The following RELN variants were observed in gnomAD, a reference collection of about 807,000 sequenced individuals.
RELN encodes reelin.
RELN carries 108 observed loss-of-function variants against 427.6 expected under a neutral mutation model. The ratio of observed to expected loss-of-function variants is 0.25; its 90% CI spans 0.22 to 0.30. RELN has a LOEUF of 0.30. Ranked by LOEUF, RELN falls within the 10% of genes least tolerant of loss-of-function variation. The pLI, the probability that RELN is intolerant of heterozygous loss-of-function variation, is 1.00. For synonymous variants in RELN, 1,524 were observed against 1,513.4 expected (o/e 1.01, Z -0.16); for missense variants, 3,715 against 4,302.8 (o/e 0.86, Z 3.82).
At chr7:103,828,345 C>T (rs1276408057) in intron 3 of RELN, among the ~76,000 whole-genome samples, 2 of 151,936 alleles carry the variant, frequency 1.3e-5, no homozygotes, top group South Asian at 2.1e-4. Context: ...AAAACTATCC[C>T]TCTAGGAGAT....
rs534557082 is a variant in RELN, at chr7:103,764,508, A to G, written c.545-11294T>C. On this transcript the variant is annotated intron_variant, in intron 4 of 64. Coordinates refer to ENST00000428762, the MANE Select transcript of RELN (RefSeq NM_005045.4). Reference sequence around the variant, plus strand: ...GTGGAGAGCTAGGGAGATGAAAATTATAGGTGTGAGTGAGTTCAACAGGGA... The same window carrying G: ...GTGGAGAGCTAGGGAGATGAAAATTGTAGGTGTGAGTGAGTTCAACAGGGA... Among the ~76,000 whole-genome samples, 51 of 152,182 alleles carry G rather than the reference A, an allele frequency of 3.4e-4. No homozygotes were observed. The South Asian group carries it at 9.8e-3, about 29-fold the overall frequency.
intron 3 of RELN, among the ~76,000 whole-genome samples, chr7:103,780,173 C>T (rs1791850988): frequency 1.3e-5 from 2 of 152,216 alleles, no homozygotes; most frequent in African/African-American, 2.4e-5. Context: ...CAACTCCTTG[C>T]ACTTTGTCTT....
At chr7:103,967,406 GTA>G (rs1233854035) in intron 1 of RELN, among the ~76,000 whole-genome samples, 4 of 152,076 alleles carry the variant, frequency 2.6e-5, no homozygotes, top group African/African-American at 9.7e-5. Context: ...CCATGATGAA[GTA>G]TAGTGATTTA....
At chr7:103,744,595 C>T (rs564211188) in intron 6 of RELN, among the ~76,000 whole-genome samples, 72 of 152,276 alleles carry the variant, frequency 4.7e-4, no homozygotes, top group African/African-American at 1.6e-3. Context: ...CACCACTGAT[C>T]CCACAGAAAT....
At chr7:103,905,178 A>T (rs970738267) in intron 2 of RELN, among the ~76,000 whole-genome samples, 6 of 151,504 alleles carry the variant, frequency 4.0e-5, no homozygotes, top group African/African-American at 7.3e-5. Context: ...ACAGGGTTTC[A>T]CTGTATTGGC....
intron 5 of RELN, 47 bp downstream of exon 5, chr7:103,753,135 G>A (rs1791048357): frequency 2.5e-6 from 4 of 1,597,140 alleles, no homozygotes; most frequent in Non-Finnish European, 3.4e-6. Flanking sequence ...AGCCAAACAA[G>A]TAGATCAAGT....
intron 1 of RELN, among the ~76,000 whole-genome samples, chr7:103,942,747 A>G (rs1375282330): frequency 6.6e-6 from 1 of 152,096 alleles, no homozygotes. Context: ...CCCCATCTCT[A>G]CTAAAAATAC....
Position 103,654,105 on chromosome 7 carries a change from A to G in RELN, c.1542T>C (p.Tyr514=). 1 of 1,572,438 alleles carries G rather than the reference A, an allele frequency of 6.4e-7. No homozygotes were observed. The highest frequency in any genetic ancestry group is 8.8e-7 in the Non-Finnish European group (1 of 1,142,580). Residue 514 remains tyrosine, a synonymous_variant, in exon 13 of 65, where the codon TAT becomes TAC. Coordinates refer to ENST00000428762, the MANE Select transcript of RELN (RefSeq NM_005045.4). The part of the protein sequence containing the change: ...KEHITLDTLS[Y]SSYKVPSLVS... ...CTGGCATGTGTACCTTATATGAGGA[A>G]TAGGAAAGGGTATCCAGTGTTATAT...
intron 3 of RELN, among the ~76,000 whole-genome samples, chr7:103,807,333 AG>A (rs1225924669): frequency 6.6e-6 from 1 of 152,204 alleles, no homozygotes; most frequent in African/African-American, 2.4e-5. Flanking sequence ...AGCCAGCAGT[AG>A]GGTAAGTGGA....
intron 53 of RELN, 69 bp from the exon 54 acceptor site, chr7:103,498,321 T>C: frequency 7.2e-7 from 1 of 1,384,816 alleles, no homozygotes; most frequent in South Asian, 1.2e-5. Context: ...TTTAAGAAAA[T>C]ACAGAGTGAT....
chr7:103,649,555 C>A (rs1832868545), intron 16 of RELN, among the ~76,000 whole-genome samples: 1 of 151,836 alleles, frequency 6.6e-6, no homozygotes, highest in African/African-American at 2.4e-5. Flanking sequence ...TACATTTGTA[C>A]CCACTGAATC....
At chr7:103,777,950 G>A (rs1305736830) in intron 3 of RELN, among the ~76,000 whole-genome samples, 3 of 149,346 alleles carry the variant, frequency 2.0e-5, no homozygotes, top group Non-Finnish European at 4.5e-5. Context: ...ATGGTGGAAG[G>A]GAGATACAAT....
intron 57 of RELN, among the ~76,000 whole-genome samples, chr7:103,492,912 C>A (rs1828717430): frequency 1.3e-5 from 2 of 151,928 alleles, no homozygotes; most frequent in Admixed American, 1.3e-4. Context: ...CATGGTGGGA[C>A]ATCAAGAGCA....
At chr7:103,821,564 C>T (rs968934963) in intron 3 of RELN, among the ~76,000 whole-genome samples, 1 of 152,084 alleles carries the variant, frequency 6.6e-6, no homozygotes, top group African/African-American at 2.4e-5. Context: ...AATACTTTAG[C>T]TTTTATCCTC....
chr7:103,675,150 C>T (rs1341509584), intron 11 of RELN, among the ~76,000 whole-genome samples: 1 of 152,160 alleles, frequency 6.6e-6, no homozygotes, highest in African/African-American at 2.4e-5. Flanking sequence ...ACTGTCTCAG[C>T]CCAAAATCTC....
chr7:103,557,114 C>G lies in RELN; in HGVS notation c.5660G>C (p.Ser1887Thr). The change falls in exon 38 of 65, where the codon AGT becomes ACT. Residue 1887 changes from serine (S) to threonine (T), a missense_variant. Ser to Thr is a moderately conservative substitution (Grantham distance 58). This residue lies in a region of RELN where 2,208 missense variants were observed against 2,361.7 expected (regional missense o/e 0.93). Coordinates refer to ENST00000428762, the MANE Select transcript of RELN (RefSeq NM_005045.4). ...CATCAGGTGCCAAGTGATTCCTCCA[C>G]TGATGGAGAATTGTAACAGAATAGA... ...SHSILLQFSI[S>T]GGITWHLMDE... 1 of 1,613,762 alleles carries G rather than the reference C, an allele frequency of 6.2e-7. No homozygotes were observed. Among genetic ancestry groups the G allele is most frequent in the Non-Finnish European group, 8.5e-7 (1 of 1,179,648 alleles).
At chr7:103,635,377 G>A in intron 19 of RELN, 48 bp downstream of exon 19, 2 of 1,584,848 alleles carry the variant, frequency 1.3e-6, no homozygotes, top group Non-Finnish European at 1.7e-6. Flanking sequence ...ATTTCCCCAG[G>A]AGAAGATTTC....
intron 53 of RELN, among the ~76,000 whole-genome samples, chr7:103,498,711 C>A (rs930139146): frequency 2.2e-4 from 33 of 152,078 alleles, no homozygotes; most frequent in African/African-American, 6.0e-4. Context: ...AGGCTGGTCT[C>A]GAATCCCTGA....
chr7:103,550,300 G>T (rs113008493), intron 41 of RELN, among the ~76,000 whole-genome samples: 164 of 152,228 alleles, frequency 1.1e-3, no homozygotes, highest in African/African-American at 3.9e-3. Context: ...CCATTTCACA[G>T]CAGGAATATA....
Sources: gnomAD v4.1 joint callset for allele counts (sites outside exome capture counted in the v4.1 genomes callset) on GRCh38, gnomAD v4.1.1 for gene constraint, gnomAD v4.1.1 regional missense constraint, MANE v1.5 for transcripts, NCBI Gene and HGNC (gene_info 2026-07-23, HGNC 2026-07-21) for gene names.